The following PRKAG2 variants were observed in gnomAD, a reference collection of about 807,000 sequenced individuals.
PRKAG2 encodes the protein protein kinase AMP-activated non-catalytic subunit gamma 2, also known as 5'-AMP-activated protein kinase subunit gamma-2.
Under a neutral mutation model 69.6 loss-of-function variants are expected in PRKAG2, and 26 were observed. The ratio of observed to expected loss-of-function variants is 0.37; its 90% CI spans 0.27 to 0.52. PRKAG2 has a LOEUF of 0.52. Among genes scored for constraint, PRKAG2 ranks in the 20% least tolerant of loss-of-function variants. PRKAG2 has a pLI of 0.90. For missense variants in PRKAG2, 557 were observed against 740.0 expected (o/e 0.75, Z 2.87); for synonymous variants, 293 against 285.0 (o/e 1.03, Z -0.28).
chr7:151,633,911 A>G (rs1435156169), intron 4 of PRKAG2, among the ~76,000 whole-genome samples: 1 of 152,156 alleles, frequency 6.6e-6, no homozygotes, highest in Non-Finnish European at 1.5e-5. Flanking sequence ...GAAAGGTGCA[A>G]GCTCTAGAAT....
intron 5 of PRKAG2, among the ~76,000 whole-genome samples, chr7:151,611,937 C>T (rs750644632): frequency 1.6e-4 from 24 of 152,166 alleles, no homozygotes; most frequent in Non-Finnish European, 2.9e-4. Flanking sequence ...CCCAGCTACT[C>T]GAGAGACTGA....
intron 1 of PRKAG2, among the ~76,000 whole-genome samples, chr7:151,796,640 C>T (rs1227667715): frequency 6.6e-6 from 1 of 152,116 alleles, no homozygotes; most frequent in African/African-American, 2.4e-5. Flanking sequence ...AGTTGGAGCT[C>T]GGCAAGGACC....
At chr7:151,876,192 AC>A (rs1463718585) in intron 1 of PRKAG2, among the ~76,000 whole-genome samples, 4 of 150,610 alleles carry the variant, frequency 2.7e-5, no homozygotes, top group Non-Finnish European at 3.0e-5. Context: ...CGCCCCCCGC[AC>A]CCGCACCCGG....
chr7:151,680,237 G>A (rs1219850387), intron 3 of PRKAG2, among the ~76,000 whole-genome samples: 1 of 152,170 alleles, frequency 6.6e-6, no homozygotes, highest in African/African-American at 2.4e-5. Context: ...ATTGCTAAGT[G>A]TCGACTGTAC....
intron 3 of PRKAG2, among the ~76,000 whole-genome samples, chr7:151,675,898 A>C (rs1051735534): frequency 4.6e-5 from 7 of 152,152 alleles, no homozygotes; most frequent in Non-Finnish European, 1.5e-5. Context: ...ATTATTCTGA[A>C]TGTTGAGGAA....
chr7:151,833,162 T>C (rs556459158), intron 1 of PRKAG2, among the ~76,000 whole-genome samples: 1 of 152,294 alleles, frequency 6.6e-6, no homozygotes, highest in African/African-American at 2.4e-5. Flanking sequence ...GTGTGATCAG[T>C]GCAACAGAGA....
chr7:151,687,841 G>A (rs1009674864), intron 3 of PRKAG2, among the ~76,000 whole-genome samples: 18 of 152,226 alleles, frequency 1.2e-4, no homozygotes, highest in African/African-American at 3.9e-4. Flanking sequence ...AAAAGCACAC[G>A]GTCGCACCAG....
chr7:151,679,815 G>A (rs1007307726), intron 3 of PRKAG2, among the ~76,000 whole-genome samples: 5 of 152,012 alleles, frequency 3.3e-5, no homozygotes, highest in East Asian at 1.9e-4. Context: ...CTGTAGCCCC[G>A]GCACTTTGGG....
chr7:151,855,207 CCTCCACACACACCACG>C (rs2079706742), intron 1 of PRKAG2, among the ~76,000 whole-genome samples: 12 of 107,648 alleles, frequency 1.1e-4, no homozygotes, highest in East Asian at 4.2e-4. Flanking sequence ...CACACACCAC[CCTCCACACACACCACG>C]CTCCACACAC....
chr7:151,591,494 C>T (rs561526072), intron 6 of PRKAG2, among the ~76,000 whole-genome samples: 4 of 152,278 alleles, frequency 2.6e-5, no homozygotes, highest in East Asian at 1.9e-4. Context: ...CCCGCAGAAC[C>T]GGGGGTCTCA....
intron 14 of PRKAG2, among the ~76,000 whole-genome samples, chr7:151,562,244 C>CAAAAAAAAAAAAAAAAAAAAAA (rs575674668): frequency 7.8e-5 from 3 of 38,476 alleles, no homozygotes; most frequent in African/African-American, 1.9e-4. Context: ...GACTTTGTCT[C>CAAAAAAAAAAAAAAAAAAAAAA]AAAAAAAAAA....
intron 1 of PRKAG2, among the ~76,000 whole-genome samples, chr7:151,848,482 G>A (rs1285431047): frequency 7.5e-6 from 1 of 133,478 alleles, no homozygotes; most frequent in East Asian, 2.6e-4. Flanking sequence ...TGTTATAGCA[G>A]TACAAACAGA....
Position 151,574,888 on chromosome 7 carries a change from T to G in PRKAG2, c.1005+3A>C, listed in dbSNP as rs759221302. 6.2e-7 allele frequency: 1 copy of G among 1,613,660 alleles called. No homozygotes were observed. The highest frequency in any genetic ancestry group is 1.1e-5 in the South Asian group (1 of 91,076). Reference sequence around the variant, plus strand: ...TACTGACATAGGAACTGGTGCCACTTACCATAGGTGATTTATAGTATCTAT... The same window carrying G: ...TACTGACATAGGAACTGGTGCCACTGACCATAGGTGATTTATAGTATCTAT... On this transcript the variant is annotated splice_donor_region_variant and intron_variant, in intron 8 of 15. Transcript: ENST00000287878.
intron 1 of PRKAG2, among the ~76,000 whole-genome samples, chr7:151,863,589 A>G (rs1460308080): frequency 6.6e-6 from 1 of 152,214 alleles, no homozygotes; most frequent in Admixed American, 6.5e-5. Context: ...GACAAAGGCC[A>G]CTGGAGGGCA....
chr7:151,865,030 T>G (rs962790842), intron 1 of PRKAG2, among the ~76,000 whole-genome samples: 4 of 152,224 alleles, frequency 2.6e-5, no homozygotes, highest in Non-Finnish European at 4.4e-5. Context: ...GTATTATATA[T>G]GTAAACAGAT....
chr7:151,805,627 T>C (rs958315220), intron 1 of PRKAG2, among the ~76,000 whole-genome samples: 1 of 152,204 alleles, frequency 6.6e-6, no homozygotes, highest in Admixed American at 6.5e-5. Context: ...TATAGAAGTA[T>C]AGAACCACAT....
At chr7:151,655,888 C>T (rs1278516585) in intron 4 of PRKAG2, among the ~76,000 whole-genome samples, 1 of 152,220 alleles carries the variant, frequency 6.6e-6, no homozygotes, top group Non-Finnish European at 1.5e-5. Flanking sequence ...ATAGCCTACA[C>T]TTTGAGTCAG....
At chr7:151,748,874 G>A (rs2074475907) in intron 3 of PRKAG2, among the ~76,000 whole-genome samples, 1 of 152,254 alleles carries the variant, frequency 6.6e-6, no homozygotes, top group African/African-American at 2.4e-5. Context: ...CGCAGCCAGA[G>A]AGATGAGCTG....
intron 3 of PRKAG2, among the ~76,000 whole-genome samples, chr7:151,690,494 G>A (rs951856426): frequency 5.3e-5 from 8 of 152,178 alleles, no homozygotes; most frequent in Admixed American, 2.0e-4. Context: ...AAGGCAGGCC[G>A]GATACTCCAC....
Sources: gnomAD v4.1 joint callset for allele counts (sites outside exome capture counted in the v4.1 genomes callset) on GRCh38, gnomAD v4.1.1 for gene constraint, MANE v1.5 for transcripts, NCBI Gene and HGNC (gene_info 2026-07-23, HGNC 2026-07-21) for gene names.